Variants in ZNF536 observed in about 807,000 individuals in gnomAD.
ZNF536 encodes the protein zinc finger protein 536.
In ZNF536, 13 loss-of-function variants were observed where a neutral mutation model predicts 84.5. The ratio of observed to expected loss-of-function variants is 0.15; its 90% CI spans 0.10 to 0.24. The LOEUF (loss-of-function observed/expected upper bound fraction) is 0.24, where lower values mean the gene tolerates loss of function less well. Among genes scored for constraint, ZNF536 ranks in the 10% least tolerant of loss-of-function variants. ZNF536 has a pLI of 1.00. For synonymous variants in ZNF536, 811 were observed against 742.5 expected (o/e 1.09, Z -1.50); for missense variants, 1,536 against 1,747.5 (o/e 0.88, Z 2.16).
chr19:30,677,580 C>T (rs1232366834), intron 1 of ZNF536, among the ~76,000 whole-genome samples: 2 of 152,244 alleles, frequency 1.3e-5, no homozygotes, highest in Non-Finnish European at 2.9e-5. Context: ...CCCGGGGACA[C>T]AGGAAAAGCT....
chr19:30,450,497 C>A (rs923494458), intron 2 of ZNF536, among the ~76,000 whole-genome samples: 1 of 150,784 alleles, frequency 6.6e-6, no homozygotes, highest in East Asian at 1.9e-4. Flanking sequence ...CTTGGGGAGA[C>A]CCCCCTGGGC....
intron 2 of ZNF536, among the ~76,000 whole-genome samples, chr19:30,515,003 T>C (rs980899764): frequency 2.0e-5 from 3 of 152,036 alleles, no homozygotes; most frequent in African/African-American, 7.3e-5. Flanking sequence ...ATCCCAGCAC[T>C]TTGGGAGGCC....
intron 1 of ZNF536, among the ~76,000 whole-genome samples, chr19:30,384,145 T>C (rs1353880766): frequency 3.4e-5 from 4 of 118,952 alleles, no homozygotes; most frequent in African/African-American, 6.6e-5. Flanking sequence ...TCTTTCTTTC[T>C]TTCTTTCTTT....
upstream of ZNF536, among the ~76,000 whole-genome samples, chr19:30,369,438 A>G (rs1230434579): frequency 2.0e-5 from 3 of 152,224 alleles, no homozygotes; most frequent in African/African-American, 7.2e-5. Context: ...CAAATGAAAC[A>G]TGAATGCATT....
chr19:30,678,207 C>A (rs1392347055), intron 1 of ZNF536, among the ~76,000 whole-genome samples: 1 of 152,208 alleles, frequency 6.6e-6, no homozygotes, highest in African/African-American at 2.4e-5. Context: ...GGTACCACAG[C>A]TTTCCTCTTC....
At chr19:30,598,988 CCTT>C (rs1263884961) in intron 1 of ZNF536, among the ~76,000 whole-genome samples, 10 of 90,002 alleles carry the variant, frequency 1.1e-4, no homozygotes, top group Non-Finnish European at 1.4e-4. Context: ...TCCCTCCCTT[CCTT>C]CCTCCCTTCC....
chr19:30,344,676 AT>A (rs5827702), intron 2 of ZNF536, among the ~76,000 whole-genome samples: 1 of 151,110 alleles, frequency 6.6e-6, no homozygotes, highest in African/African-American at 2.4e-5. Flanking sequence ...CAGGCAGGCC[AT>A]TTTTTTTTAA....
At chr19:30,488,411 T>C (rs1221086712) in intron 2 of ZNF536, among the ~76,000 whole-genome samples, 2 of 152,146 alleles carry the variant, frequency 1.3e-5, no homozygotes, top group African/African-American at 2.4e-5. Context: ...CATGAATCAA[T>C]TCCTGACTCA....
intron 2 of ZNF536, among the ~76,000 whole-genome samples, chr19:30,508,787 A>T (rs545598996): frequency 3.5e-5 from 5 of 141,690 alleles, no homozygotes; most frequent in African/African-American, 1.3e-4. Flanking sequence ...GGGTGTGGGC[A>T]CCGTGGTTCT....
In ZNF536 at chr19:30,234,744, TACAC is replaced by T. The variant is rs111232052; in HGVS notation, c.-190+6098_-190+6101del. Among the ~76,000 whole-genome samples, 346 of 147,682 alleles carry T rather than the reference TACAC, an allele frequency of 2.3e-3. 2 individuals are homozygous for T. Among genetic ancestry groups the T allele is most frequent in the East Asian group, 0.014 (70 of 5,020 alleles). ...GCTTTTTGTTGCTTTATTACTAAAT[TACAC>T]ACACACACACACACACACACACACA... On this transcript the variant is annotated intron_variant, in intron 1 of 5. Transcript: ENST00000585628.
At position 30,408,859 on chromosome 19, in the gene ZNF536, A is replaced by G. The variant is rs1483818597; in HGVS notation, c.-2-34702A>G. On this transcript the variant is annotated intron_variant, in intron 1 of 4. Transcript: ENST00000355537. ...CCATCTATATATTCATCCATCCTCC[A>G]TCCATCGATCTTCTATCCATCCTTC... is the stretch of plus-strand genomic sequence containing the variant. Among the ~76,000 whole-genome samples, 5 of 67,568 alleles carry G rather than the reference A, an allele frequency of 7.4e-5. No individual in the cohort carries two copies. In the South Asian group the frequency reaches 1.9e-3, roughly 25 times the overall value. 44.3% of individuals were successfully genotyped at this position (67,568 alleles called of 152,430 possible). A position where few individuals can be genotyped will look rare whatever the true frequency, so the allele number is the denominator to read the frequency against.
intron 1 of ZNF536, among the ~76,000 whole-genome samples, chr19:30,709,883 T>C (rs1374752685): frequency 1.3e-5 from 2 of 152,158 alleles, no homozygotes; most frequent in Non-Finnish European, 2.9e-5. Context: ...TCCCAAAGTG[T>C]TGGGATTCCA....
intron 1 of ZNF536, among the ~76,000 whole-genome samples, chr19:30,648,994 A>G (rs920430645): frequency 4.6e-5 from 7 of 152,114 alleles, no homozygotes; most frequent in African/African-American, 1.7e-4. Flanking sequence ...TCACTGAAAG[A>G]GTCTATAGTC....
chr19:30,442,626 A>C (rs977117358), intron 1 of ZNF536, among the ~76,000 whole-genome samples: 9 of 152,164 alleles, frequency 5.9e-5, no homozygotes, highest in Non-Finnish European at 2.9e-5. Context: ...CTTTGACCCA[A>C]ATTTGAACAA....
chr19:30,306,328 C>T (rs1897310581), intron 2 of ZNF536, among the ~76,000 whole-genome samples: 1 of 151,938 alleles, frequency 6.6e-6, no homozygotes, highest in African/African-American at 2.4e-5. Context: ...TCTTATCTCT[C>T]TGTCACCCTA....
chr19:30,662,430 A>G (rs867896392), intron 1 of ZNF536, among the ~76,000 whole-genome samples: 8 of 152,192 alleles, frequency 5.3e-5, no homozygotes, highest in African/African-American at 1.9e-4. Context: ...GACTGGTATT[A>G]TGTTGCTCCC....
rs553206764 is a variant in ZNF536 at position 30,592,553 on chromosome 19, C to T, written c.169+43039C>T. ...CAGATTATCAGATAAGCAGCACACC[C>T]GGGCTCAGCTCACTAATTGACTGAA... On this transcript the variant is annotated intron_variant, in intron 1 of 1. Transcript: ENST00000592773. Among the ~76,000 whole-genome samples, 98 of 152,266 alleles carry T rather than the reference C, an allele frequency of 6.4e-4. No individual in the cohort carries two copies. In the Middle Eastern group the frequency reaches 0.017, roughly 26 times the overall value.
chr19:30,398,654 C>A (rs1310576579), intron 1 of ZNF536, among the ~76,000 whole-genome samples: 2 of 152,104 alleles, frequency 1.3e-5, no homozygotes, highest in Admixed American at 1.3e-4. Context: ...GTTTTCTGTT[C>A]TTCTGTTAGT....
chr19:30,476,006 C>T lies in ZNF536; in HGVS notation c.2170+30274C>T, dbSNP rs559109544. The stretch of plus-strand genomic sequence containing the variant: ...TTTTTGAGCCCCATGAAGACGGCAA[C>T]GGAGTCGAACTCATTTGTCTCTCCC... On this transcript the variant is annotated intron_variant, in intron 2 of 4. Transcript: ENST00000355537. Among the ~76,000 whole-genome samples, 33 of 152,270 alleles carry T rather than the reference C, an allele frequency of 2.2e-4. No homozygotes were observed. In the South Asian group the frequency reaches 3.9e-3, roughly 18 times the overall value.
Sources: allele counts gnomAD v4.1 joint callset (sites outside exome capture counted in the v4.1 genomes callset), GRCh38; gene constraint gnomAD v4.1.1; transcripts MANE v1.5; gene names NCBI Gene and HGNC (gene_info 2026-07-23, HGNC 2026-07-21).